The following MYO16 variants were observed in gnomAD, a reference collection of about 807,000 sequenced individuals.
MYO16 encodes the protein myosin XVI, also known as unconventional myosin-XVI.
Under a neutral mutation model 205.3 loss-of-function variants are expected in MYO16, and 94 were observed. The observed-to-expected ratio is 0.46, with a 90% CI of 0.39 to 0.54. The LOEUF is 0.54. Ranked by LOEUF, MYO16 falls within the 20% of genes least tolerant of loss-of-function variation. MYO16 has a pLI of 0.00. For synonymous variants in MYO16, 988 were observed against 954.0 expected (o/e 1.04, Z -0.66); for missense variants, 2,315 against 2,387.5 (o/e 0.97, Z 0.63).
At chr13:108,622,918 C>A (rs1385278003) in intron 1 of MYO16, among the ~76,000 whole-genome samples, 1 of 151,932 alleles carries the variant, frequency 6.6e-6, no homozygotes, top group Non-Finnish European at 1.5e-5. Context: ...AGGAGAGGAA[C>A]CAAAGAGTTC....
chr13:109,180,686 C>T (rs1204108801), intron 34 of MYO16, among the ~76,000 whole-genome samples: 2 of 152,178 alleles, frequency 1.3e-5, no homozygotes, highest in African/African-American at 4.8e-5. Flanking sequence ...TAGTTTGAAT[C>T]TTAAGAATAA....
At chr13:108,922,963 GA>G (rs1438716048) in intron 16 of MYO16, among the ~76,000 whole-genome samples, 1 of 152,180 alleles carries the variant, frequency 6.6e-6, no homozygotes, top group Non-Finnish European at 1.5e-5. Context: ...TGCTACTCAT[GA>G]AAAAGCAAAC....
intron 14 of MYO16, among the ~76,000 whole-genome samples, chr13:108,894,245 G>A (rs1425924580): frequency 1.3e-5 from 2 of 152,150 alleles, no homozygotes; most frequent in African/African-American, 4.8e-5. Flanking sequence ...TTTGACATGT[G>A]GGGATTACAA....
At chr13:109,181,820 T>A (rs879683921) in intron 34 of MYO16, among the ~76,000 whole-genome samples, 8,663 of 146,804 alleles carry the variant, frequency 0.059, 311 homozygotes, top group Admixed American at 0.11. Context: ...TTATTTATTT[T>A]ATTTTATTTT....
At chr13:108,863,188 C>G (rs1182285590) in intron 11 of MYO16, among the ~76,000 whole-genome samples, 1 of 151,970 alleles carries the variant, frequency 6.6e-6, no homozygotes, top group African/African-American at 2.4e-5. Flanking sequence ...AAAAGTCATA[C>G]CTTTTTTTCT....
chr13:108,938,837 G>C (rs185452094), intron 16 of MYO16, among the ~76,000 whole-genome samples: 3 of 152,336 alleles, frequency 2.0e-5, no homozygotes, highest in Admixed American at 1.3e-4. Context: ...CCTGTGCATA[G>C]AGCAGAGAGA....
At chr13:108,810,825 A>G (rs1355010248) in intron 7 of MYO16, among the ~76,000 whole-genome samples, 2 of 152,210 alleles carry the variant, frequency 1.3e-5, no homozygotes, top group Non-Finnish European at 2.9e-5. Context: ...TTTATGGAGA[A>G]GGAGGTAGCT....
chr13:108,977,438 G>A (rs1884303228), intron 20 of MYO16, among the ~76,000 whole-genome samples: 2 of 152,162 alleles, frequency 1.3e-5, no homozygotes, highest in South Asian at 2.1e-4. Flanking sequence ...GATTGCAAGC[G>A]AAGTCGACGT....
At chr13:108,743,529 T>C (rs1481849903) in intron 4 of MYO16, among the ~76,000 whole-genome samples, 1 of 152,254 alleles carries the variant, frequency 6.6e-6, no homozygotes, top group Non-Finnish European at 1.5e-5. Flanking sequence ...AGCCAATGTA[T>C]AGTCATCTGC....
chr13:108,759,029 T>C (rs1184548545), intron 4 of MYO16, among the ~76,000 whole-genome samples: 3 of 152,222 alleles, frequency 2.0e-5, no homozygotes, highest in Non-Finnish European at 4.4e-5. Flanking sequence ...TCATTTTCAA[T>C]GAAGATATTA....
At chr13:108,629,988 AGACTGGT>A in intron 1 of MYO16, 116 bp downstream of exon 1, 2 of 763,708 alleles carry the variant, frequency 2.6e-6, no homozygotes, top group South Asian at 4.4e-5. Context: ...TGAGTGACAT[AGACTGGT>A]GACTTAGAAG....
At chr13:108,533,018 T>C in the MYO16 span, among the ~76,000 whole-genome samples, 406 of 152,162 alleles carry the variant, frequency 2.7e-3, 3 homozygotes, top group African/African-American at 9.0e-3. Flanking sequence ...AGAAAAGGTA[T>C]GGTTTGTTGA....
Position 108,720,055 on chromosome 13 carries a change from C to T in MYO16, c.363+7324C>T, listed in dbSNP as rs181002250. On this transcript the variant is annotated intron_variant, in intron 3 of 34. Coordinates refer to ENST00000457511, the MANE Select transcript of MYO16 (RefSeq NM_001198950.3). The stretch of plus-strand genomic sequence containing the variant: ...GTTCAATTGGCTGGAAGCTGCGGCT[C>T]TCTGCAGTGCAAATAGAAATAATAA... Among the ~76,000 whole-genome samples the T allele has an allele frequency of 2.4e-3, 370 of 152,288 alleles. 5 individuals carry two copies. The highest frequency in any genetic ancestry group is 0.021 in the South Asian group (100 of 4,830).
At chr13:108,738,985 T>G (rs4548727) in intron 4 of MYO16, among the ~76,000 whole-genome samples, 149,249 of 152,114 alleles carry the variant, frequency 0.98, 73,269 homozygotes, top group Middle Eastern at 1. Context: ...TTTTCCATTT[T>G]CTTGGTAGAT....
chr13:109,145,049 C>G (rs768510970), intron 32 of MYO16, among the ~76,000 whole-genome samples: 3 of 152,162 alleles, frequency 2.0e-5, no homozygotes, highest in Non-Finnish European at 4.4e-5. Context: ...GTGGTGGACA[C>G]ACATATAAGA....
At chr13:109,050,931 G>A (rs913786191) in intron 24 of MYO16, among the ~76,000 whole-genome samples, 1 of 150,366 alleles carries the variant, frequency 6.7e-6, no homozygotes, top group Non-Finnish European at 1.5e-5. Flanking sequence ...CATTTACCTT[G>A]CCTCAAATCT....
At chr13:109,042,573 T>C (rs1483586051) in intron 23 of MYO16, among the ~76,000 whole-genome samples, 1 of 152,250 alleles carries the variant, frequency 6.6e-6, no homozygotes, top group Admixed American at 6.5e-5. Flanking sequence ...GCCAATTTTA[T>C]GTAACATGTT....
intron 16 of MYO16, among the ~76,000 whole-genome samples, chr13:108,919,276 T>C (rs1881638018): frequency 6.6e-6 from 1 of 152,242 alleles, no homozygotes; most frequent in Admixed American, 6.5e-5. Context: ...CCACCTTCCC[T>C]CACTGCACAG....
At chr13:109,159,576 T>C (rs1878265912) in intron 32 of MYO16, among the ~76,000 whole-genome samples, 1 of 152,250 alleles carries the variant, frequency 6.6e-6, no homozygotes, top group African/African-American at 2.4e-5. Flanking sequence ...ACGCACATTG[T>C]ATTTGCCCAC....
Sources: gnomAD v4.1 joint callset for allele counts (sites outside exome capture counted in the v4.1 genomes callset) on GRCh38, gnomAD v4.1.1 for gene constraint, MANE v1.5 for transcripts, NCBI Gene and HGNC (gene_info 2026-07-23, HGNC 2026-07-21) for gene names.